The following TEAD1 variants were observed in gnomAD, a reference collection of about 807,000 sequenced individuals.
The protein encoded by TEAD1 is transcriptional enhancer factor TEF-1.
A neutral mutation model predicts 54.9 loss-of-function variants in TEAD1; 9 were observed. The observed-to-expected ratio is 0.16, with a 90% CI of 0.10 to 0.29. The LOEUF (loss-of-function observed/expected upper bound fraction) is 0.29, where lower values mean the gene tolerates loss of function less well. Ranked by LOEUF, TEAD1 falls within the 10% of genes least tolerant of loss-of-function variation. The pLI is 1.00. For synonymous variants in TEAD1, 200 were observed against 187.8 expected, an observed-to-expected ratio of 1.07 and a Z score of -0.53; for missense variants, 387 against 535.9, an observed-to-expected ratio of 0.72 and a Z score of 2.74.
intron 12 of TEAD1, among the ~76,000 whole-genome samples, chr11:12,932,164 C>T (rs2134172454): frequency 6.6e-6 from 1 of 152,336 alleles, no homozygotes. Flanking sequence ...GTTTGGAATA[C>T]ATGCTCTTTA....
chr11:12,724,378 G>T (rs1037168201), intron 2 of TEAD1, among the ~76,000 whole-genome samples: 1 of 152,114 alleles, frequency 6.6e-6, no homozygotes, highest in African/African-American at 2.4e-5. Context: ...TTCCCTTCCC[G>T]CACACCTCTC....
intron 4 of TEAD1, 32 bp downstream of exon 4, chr11:12,862,346 C>T (rs1370274731): frequency 3.7e-6 from 6 of 1,606,800 alleles, no homozygotes; most frequent in Non-Finnish European, 5.1e-6. Context: ...TTGTGCATGT[C>T]AGCGAATGGC....
chr11:12,686,979 G>A (rs1943347964), intron 2 of TEAD1, among the ~76,000 whole-genome samples: 1 of 152,134 alleles, frequency 6.6e-6, no homozygotes, highest in African/African-American at 2.4e-5. Context: ...GTGGAGAACT[G>A]TTACCTTGTT....
At chr11:12,798,006 C>T (rs1457603322) in intron 3 of TEAD1, among the ~76,000 whole-genome samples, 2 of 152,180 alleles carry the variant, frequency 1.3e-5, no homozygotes, top group African/African-American at 4.8e-5. Flanking sequence ...CTATGCTTTC[C>T]ATCCCTGCAA....
chr11:12,871,684 A>G (rs1947748006), intron 5 of TEAD1, among the ~76,000 whole-genome samples: 2 of 152,154 alleles, frequency 1.3e-5, no homozygotes, highest in Admixed American at 6.6e-5. Flanking sequence ...GGGAAGCACC[A>G]CCACACTGTG....
intron 3 of TEAD1, among the ~76,000 whole-genome samples, chr11:12,829,287 C>T (rs143448419): frequency 1.8e-3 from 267 of 152,264 alleles, no homozygotes; most frequent in African/African-American, 6.1e-3. Context: ...TCAAAACATA[C>T]GTGAGAGAAT....
chr11:12,875,231 C>T (rs1483630698), intron 5 of TEAD1, among the ~76,000 whole-genome samples: 15 of 152,192 alleles, frequency 9.9e-5, no homozygotes, highest in Non-Finnish European at 2.2e-4. Flanking sequence ...GATTAGCCTC[C>T]TCCCCTTTAG....
intron 5 of TEAD1, among the ~76,000 whole-genome samples, chr11:12,871,745 T>G (rs1947749410): frequency 6.6e-6 from 1 of 152,112 alleles, no homozygotes. Flanking sequence ...CTGGTTCACT[T>G]CTCGAGTGTG....
At chr11:12,675,600 G>T (rs2133802738) in intron 2 of TEAD1, 39 bp downstream of exon 2, 1 of 152,356 alleles carries the variant, frequency 6.6e-6, no homozygotes, top group Admixed American at 6.5e-5. Context: ...GATTGGAAGA[G>T]AAATGATCCC....
At position 12,855,865 on chromosome 11, in the gene TEAD1, T is replaced by G. The variant is rs573970377; in HGVS notation, c.203-6385T>G. Among the ~76,000 whole-genome samples the G allele has an allele frequency of 5.3e-5, 8 of 151,600 alleles. No homozygotes were observed. The South Asian group carries it at 1.7e-3, about 32-fold the overall frequency. On this transcript the variant is annotated intron_variant, in intron 3 of 12. Transcript: ENST00000527636. The stretch of plus-strand genomic sequence containing the variant: ...TGGGAGGCTGAGGTGGGAGGATCAC[T>G]TGAGCCCGGGAGATCAAGGCTACAG...
intron 3 of TEAD1, among the ~76,000 whole-genome samples, chr11:12,846,699 G>A (rs189114432): frequency 7.9e-5 from 12 of 152,246 alleles, no homozygotes; most frequent in Admixed American, 2.6e-4. Flanking sequence ...GTGTTTCTTA[G>A]AAAATTTGTT....
intron 3 of TEAD1, among the ~76,000 whole-genome samples, chr11:12,773,782 GT>G: frequency 6.6e-6 from 1 of 152,338 alleles, no homozygotes; most frequent in South Asian, 2.1e-4. Context: ...AACAGCGAAA[GT>G]TTTAATTTTG....
chr11:12,729,163 A>G (rs927232160), intron 2 of TEAD1, among the ~76,000 whole-genome samples: 7 of 152,220 alleles, frequency 4.6e-5, no homozygotes, highest in Non-Finnish European at 1.0e-4. Flanking sequence ...TAGTTATTGA[A>G]TGAGTGGATA....
chr11:12,792,292 T>TGGG (rs1226497321), intron 3 of TEAD1, among the ~76,000 whole-genome samples: 1 of 147,738 alleles, frequency 6.8e-6, no homozygotes, highest in Non-Finnish European at 1.5e-5. Context: ...CTCAAATGCT[T>TGGG]GGGGGTGAGA....
intron 2 of TEAD1, among the ~76,000 whole-genome samples, chr11:12,761,192 G>A (rs1289218153): frequency 3.3e-5 from 5 of 152,210 alleles, no homozygotes; most frequent in South Asian, 4.1e-4. Context: ...CAACCAGGAA[G>A]TTGTGATTCA....
chr11:12,871,829 A>G (rs981486345), intron 5 of TEAD1, among the ~76,000 whole-genome samples: 2 of 152,268 alleles, frequency 1.3e-5, no homozygotes, highest in African/African-American at 4.8e-5. Flanking sequence ...CTCGGCAGGA[A>G]TACATCTTAG....
At chr11:12,901,231 T>C (rs2134127808) in intron 9 of TEAD1, among the ~76,000 whole-genome samples, 1 of 152,328 alleles carries the variant, frequency 6.6e-6, no homozygotes, top group African/African-American at 2.4e-5. Flanking sequence ...AAGGGTTCAC[T>C]TTGTGAGTGA....
chr11:12,815,552 T>TA (rs2133994742), intron 3 of TEAD1, among the ~76,000 whole-genome samples: 1 of 152,328 alleles, frequency 6.6e-6, no homozygotes, highest in South Asian at 2.1e-4. Flanking sequence ...CCCTCTTAGT[T>TA]AAAACTGGCC....
At chr11:12,723,504 CT>C (rs1944253754) in intron 2 of TEAD1, among the ~76,000 whole-genome samples, 3 of 152,116 alleles carry the variant, frequency 2.0e-5, no homozygotes, top group Admixed American at 6.5e-5. Context: ...GTTGGATTAA[CT>C]GTTCGTGATT....
Sources: allele counts gnomAD v4.1 joint callset (sites outside exome capture counted in the v4.1 genomes callset), GRCh38; gene constraint gnomAD v4.1.1; transcripts MANE v1.5; gene names NCBI Gene and HGNC (gene_info 2026-07-23, HGNC 2026-07-21).